Variants in SLCO1A2 observed in about 807,000 individuals in gnomAD.
SLCO1A2 encodes the protein solute carrier organic anion transporter family member 1A2, also known as OATP-1.
In SLCO1A2, 67 loss-of-function variants were observed where a neutral mutation model predicts 69.0. The observed-to-expected ratio is 0.97, with a 90% confidence interval of 0.80 to 1.19. The LOEUF is 1.19. Among genes scored for constraint, SLCO1A2 ranks in the 50% most tolerant of loss-of-function variants. The probability of loss-of-function intolerance (pLI) is 0.00; values close to 1 mark genes in which losing one functional copy is unlikely to be tolerated. For synonymous variants in SLCO1A2, 260 were observed against 265.9 expected (o/e 0.98, Z 0.22); for missense variants, 787 against 793.7 (o/e 0.99, Z 0.10).
At chr12:21,352,428 G>A (rs1294672383) in intron 2 of SLCO1A2, among the ~76,000 whole-genome samples, 1 of 152,114 alleles carries the variant, frequency 6.6e-6, no homozygotes, top group Non-Finnish European at 1.5e-5. Flanking sequence ...CCCTTCACCT[G>A]ATTTCAATAA....
At chr12:21,290,065 ATG>A in intron 12 of SLCO1A2, among the ~76,000 whole-genome samples, 1 of 151,514 alleles carries the variant, frequency 6.6e-6, no homozygotes, top group African/African-American at 2.4e-5. Flanking sequence ...GTATGTACAT[ATG>A]TGTGTGTGCA....
At chr12:21,386,272 T>C (rs1192206782) in intron 1 of SLCO1A2, among the ~76,000 whole-genome samples, 1 of 152,174 alleles carries the variant, frequency 6.6e-6, no homozygotes, top group Non-Finnish European at 1.5e-5. Flanking sequence ...TTCTTATTTA[T>C]ATATTAAAAA....
chr12:21,376,778 AT>A (rs1454035233), intron 1 of SLCO1A2, among the ~76,000 whole-genome samples: 17 of 152,092 alleles, frequency 1.1e-4, no homozygotes, highest in Admixed American at 1.0e-3. Context: ...AGATAAATCC[AT>A]TGCATTTGAG....
chr12:21,417,663 A>T (rs1015835798), intron 1 of SLCO1A2, among the ~76,000 whole-genome samples: 1 of 152,064 alleles, frequency 6.6e-6, no homozygotes, highest in African/African-American at 2.4e-5. Context: ...ATAAAACATA[A>T]AAAATTAAAC....
At chr12:21,340,744 T>C (rs1953040646) in intron 2 of SLCO1A2, among the ~76,000 whole-genome samples, 1 of 151,920 alleles carries the variant, frequency 6.6e-6, no homozygotes, top group African/African-American at 2.4e-5. Context: ...CGTGCAATAC[T>C]TGTCTGTCTC....
intron 2 of SLCO1A2, among the ~76,000 whole-genome samples, chr12:21,347,085 A>C (rs962631849): frequency 1.4e-4 from 21 of 152,324 alleles, no homozygotes; most frequent in African/African-American, 4.6e-4. Flanking sequence ...GTTGAATTAA[A>C]AAGAAACTTA....
At chr12:21,398,251 C>G (rs1239480063), upstream of SLCO1A2, among the ~76,000 whole-genome samples, 1 of 144,348 alleles carries the variant, frequency 6.9e-6, no homozygotes, top group Non-Finnish European at 1.5e-5. Context: ...AACACCTCTA[C>G]GCAAATAAAC....
intron 1 of SLCO1A2, among the ~76,000 whole-genome samples, chr12:21,390,558 C>T (rs538483598): frequency 6.6e-6 from 1 of 152,106 alleles, no homozygotes; most frequent in African/African-American, 2.4e-5. Context: ...TTTTTCCTGT[C>T]TTGCAAACAT....
chr12:21,332,790 C>T (rs35809194), intron 2 of SLCO1A2, among the ~76,000 whole-genome samples: 10 of 152,166 alleles, frequency 6.6e-5, no homozygotes, highest in African/African-American at 1.7e-4. Context: ...CCTTTGTGAC[C>T]TAATCACCTC....
At chr12:21,390,166 C>T (rs1428344816) in intron 1 of SLCO1A2, among the ~76,000 whole-genome samples, 1 of 151,910 alleles carries the variant, frequency 6.6e-6, no homozygotes, top group African/African-American at 2.4e-5. Context: ...ACTATGTTCA[C>T]ATTACCAACT....
intron 2 of SLCO1A2, among the ~76,000 whole-genome samples, chr12:21,322,112 T>C (rs1479311206): frequency 6.6e-6 from 1 of 152,198 alleles, no homozygotes; most frequent in Non-Finnish European, 1.5e-5. Context: ...AGATTAAATA[T>C]ACTGTTTTCA....
At chr12:21,418,568 G>A (rs1281520393), upstream of SLCO1A2, among the ~76,000 whole-genome samples, 1 of 152,174 alleles carries the variant, frequency 6.6e-6, no homozygotes, top group Non-Finnish European at 1.5e-5. Flanking sequence ...GAGAGAATGA[G>A]AGCCAAGTGA....
intron 1 of SLCO1A2, among the ~76,000 whole-genome samples, chr12:21,377,002 C>G (rs987431862): frequency 2.6e-5 from 4 of 151,930 alleles, no homozygotes; most frequent in Non-Finnish European, 4.4e-5. Context: ...CACATTGAAA[C>G]AAAAGGCTGT....
intron 1 of SLCO1A2, among the ~76,000 whole-genome samples, chr12:21,375,414 T>C (rs1034257769): frequency 2.6e-5 from 4 of 152,198 alleles, no homozygotes; most frequent in Admixed American, 6.5e-5. Flanking sequence ...GGAAAATGTG[T>C]CAAATTTTAA....
chr12:21,358,963 T>C (rs946530513), intron 2 of SLCO1A2, among the ~76,000 whole-genome samples: 3 of 152,276 alleles, frequency 2.0e-5, no homozygotes, highest in African/African-American at 7.2e-5. Flanking sequence ...CACATATATT[T>C]GGAAGGTGGC....
intron 1 of SLCO1A2, chr12:21,378,383 T>C: frequency 6.2e-7 from 1 of 1,614,074 alleles, no homozygotes; most frequent in Non-Finnish European, 8.5e-7. Flanking sequence ...AGGAATGCAG[T>C]AGAGGTTTTA....
intron 4 of SLCO1A2, 57 bp downstream of exon 4, chr12:21,314,492 C>G: frequency 2.5e-6 from 4 of 1,599,522 alleles, no homozygotes; most frequent in Middle Eastern, 1.7e-4. Context: ...GAAAGTGCAA[C>G]TTCATTTCCT....
intron 2 of SLCO1A2, among the ~76,000 whole-genome samples, chr12:21,349,513 C>A (rs965911119): frequency 6.6e-6 from 1 of 152,304 alleles, no homozygotes; most frequent in Middle Eastern, 3.4e-3. Context: ...GCTCCCCATA[C>A]GTATCCTTGC....
chr12:21,348,832 A>G (rs1937703705), intron 2 of SLCO1A2, among the ~76,000 whole-genome samples: 1 of 152,226 alleles, frequency 6.6e-6, no homozygotes, highest in Non-Finnish European at 1.5e-5. Context: ...TGAATAATAC[A>G]ATAGCGGGCA....
Sources: gnomAD v4.1 joint callset for allele counts (sites outside exome capture counted in the v4.1 genomes callset) on GRCh38, gnomAD v4.1.1 for gene constraint, MANE v1.5 for transcripts, NCBI Gene and HGNC (gene_info 2026-07-23, HGNC 2026-07-21) for gene names.